DPF3: variants seen among roughly 807,000 people sequenced by gnomAD.
DPF3 encodes the protein double PHD fingers 3, also known as zinc finger protein DPF3.
Under a neutral mutation model 56.8 loss-of-function variants are expected in DPF3, and 18 were observed. The ratio of observed to expected loss-of-function variants is 0.32; its 90% confidence interval spans 0.22 to 0.47. The LOEUF is 0.47. Ranked by LOEUF, DPF3 falls within the 20% of genes least tolerant of loss-of-function variation. The probability of loss-of-function intolerance (pLI) is 1.00; values close to 1 mark genes in which losing one functional copy is unlikely to be tolerated. For synonymous variants in DPF3, 188 were observed against 180.2 expected (o/e 1.04, Z -0.35); for missense variants, 403 against 488.8 (o/e 0.82, Z 1.65).
intron 1 of DPF3, among the ~76,000 whole-genome samples, chr14:72,843,034 TAAATA>T (rs1402053619): frequency 6.6e-6 from 1 of 151,574 alleles, no homozygotes; most frequent in Non-Finnish European, 1.5e-5. Context: ...AAAAAATAAA[TAAATA>T]AATAAACATG....
Position 72,693,168 on chromosome 14 carries a change from T to C in DPF3, c.650A>G (p.Tyr217Cys), listed in dbSNP as rs1228165441. 5.0e-6 allele frequency: 8 copies of C among 1,613,850 alleles called. No homozygotes were observed. Among genetic ancestry groups the C allele is most frequent in the African/African-American group, 2.7e-5 (2 of 74,912 alleles). Residue 217 changes from tyrosine (Y) to cysteine (C), a missense_variant, in exon 7 of 11, where the codon TAT becomes TGT. Transcript: ENST00000556509. ...YKNRPGLSYHYAHTHLASEEG... is the reference protein window; with the variant it reads ...YKNRPGLSYHCAHTHLASEEG... ...CTCGCTGGCCAGGTGAGTGTGAGCA[T>C]AGTGGTAGCTGAGCCCCGGTCGGTT...
intron 5 of DPF3, among the ~76,000 whole-genome samples, chr14:72,720,061 C>T (rs1432447828): frequency 6.6e-6 from 1 of 151,844 alleles, no homozygotes; most frequent in Non-Finnish European, 1.5e-5. Context: ...TCCTAATGAG[C>T]TCCCAGATGA....
intron 1 of DPF3, among the ~76,000 whole-genome samples, chr14:72,866,218 C>T (rs905015517): frequency 7.2e-5 from 11 of 152,074 alleles, no homozygotes; most frequent in East Asian, 3.9e-4. Flanking sequence ...CCACCACCAC[C>T]TCTTCCACAG....
At chr14:72,841,349 T>G (rs1884535359) in intron 1 of DPF3, among the ~76,000 whole-genome samples, 1 of 152,108 alleles carries the variant, frequency 6.6e-6, no homozygotes, top group South Asian at 2.1e-4. Context: ...CAGGGGAGCT[T>G]TGGAGTGTCT....
intron 8 of DPF3, among the ~76,000 whole-genome samples, chr14:72,665,213 G>T (rs917062890): frequency 2.0e-5 from 3 of 152,070 alleles, no homozygotes; most frequent in Admixed American, 6.5e-5. Flanking sequence ...TTAACTATTT[G>T]TGAATTTCTA....
chr14:72,798,940 G>T (rs1230944958), intron 1 of DPF3, among the ~76,000 whole-genome samples: 1 of 152,242 alleles, frequency 6.6e-6, no homozygotes, highest in South Asian at 2.1e-4. Context: ...GGAAGTCACA[G>T]TTCTGGAGTA....
intron 7 of DPF3, among the ~76,000 whole-genome samples, chr14:72,681,587 T>C (rs1191878866): frequency 6.6e-6 from 1 of 152,236 alleles, no homozygotes; most frequent in Admixed American, 6.5e-5. Context: ...ACCCTTCCTA[T>C]GCCTGCCTTC....
At chr14:72,788,225 C>G (rs955768522) in intron 1 of DPF3, among the ~76,000 whole-genome samples, 1 of 152,146 alleles carries the variant, frequency 6.6e-6, no homozygotes, top group Non-Finnish European at 1.5e-5. Flanking sequence ...AGCTGCATCT[C>G]GACCACCAAT....
intron 1 of DPF3, among the ~76,000 whole-genome samples, chr14:72,866,937 T>G (rs1885697633): frequency 6.7e-6 from 1 of 149,582 alleles, no homozygotes; most frequent in South Asian, 2.1e-4. Context: ...CTGGTACTCA[T>G]TTTCTAAGGG....
intron 1 of DPF3, among the ~76,000 whole-genome samples, chr14:72,856,898 G>T (rs1370238613): frequency 6.6e-6 from 1 of 152,200 alleles, no homozygotes; most frequent in East Asian, 1.9e-4. Context: ...TATGAAATGT[G>T]GGGCGAGGAC....
chr14:72,886,427 G>T (rs1419940869), intron 1 of DPF3, among the ~76,000 whole-genome samples: 1 of 152,168 alleles, frequency 6.6e-6, no homozygotes, highest in Non-Finnish European at 1.5e-5. Flanking sequence ...GTTGCACAAG[G>T]TGGGAGGATC....
chr14:72,694,434 T>C (rs759029432), intron 6 of DPF3, among the ~76,000 whole-genome samples: 2 of 152,316 alleles, frequency 1.3e-5, no homozygotes, highest in African/African-American at 2.4e-5. Flanking sequence ...AGCACAACTT[T>C]AGCATCAGGC....
At chr14:72,859,621 C>T (rs1036336019) in intron 1 of DPF3, among the ~76,000 whole-genome samples, 4 of 152,108 alleles carry the variant, frequency 2.6e-5, no homozygotes, top group East Asian at 1.9e-4. Flanking sequence ...CACACACCTC[C>T]GCTCAAAGTC....
At chr14:72,691,334 G>A (rs1887671190) in intron 7 of DPF3, among the ~76,000 whole-genome samples, 1 of 152,196 alleles carries the variant, frequency 6.6e-6, no homozygotes, top group South Asian at 2.1e-4. Context: ...ACTGTGACTT[G>A]GTTTGGAAGT....
At position 72,847,244 on chromosome 14, in the gene DPF3, T is replaced by C. The variant is rs190670567; in HGVS notation, c.32+46813A>G. ...CCGCGTCCTAAGAGCTTCACGTGTG[T>C]GGTCATTCAATCCTCAAACCAATCC... is the stretch of plus-strand genomic sequence containing the variant. On this transcript the variant is annotated intron_variant, in intron 1 of 10. Coordinates refer to ENST00000556509, the MANE Select transcript of DPF3 (RefSeq NM_001280542.3). Among the ~76,000 whole-genome samples, 216 of 152,322 alleles carry C rather than the reference T, an allele frequency of 1.4e-3. 1 individual carries two copies. The highest frequency in any genetic ancestry group is 0.01 in the Middle Eastern group (3 of 294).
At chr14:72,743,318 G>A (rs1221738933) in intron 3 of DPF3, among the ~76,000 whole-genome samples, 1 of 152,090 alleles carries the variant, frequency 6.6e-6, no homozygotes, top group Non-Finnish European at 1.5e-5. Flanking sequence ...CAGGATAAGT[G>A]AGTGTGTCGG....
intron 2 of DPF3, among the ~76,000 whole-genome samples, chr14:72,756,947 AAGG>A (rs1369637272): frequency 2.8e-4 from 41 of 144,446 alleles, no homozygotes; most frequent in Admixed American, 5.5e-4. Context: ...AGAGAAGAGA[AAGG>A]GAGAGGGAAA....
intron 8 of DPF3, among the ~76,000 whole-genome samples, chr14:72,638,045 C>T (rs1477837763): frequency 6.6e-6 from 1 of 152,270 alleles, no homozygotes; most frequent in South Asian, 2.1e-4. Context: ...AGACAGAGGC[C>T]TTGGGTAAGG....
At chr14:72,741,535 G>C (rs929251920) in intron 3 of DPF3, among the ~76,000 whole-genome samples, 1 of 152,246 alleles carries the variant, frequency 6.6e-6, no homozygotes, top group Non-Finnish European at 1.5e-5. Context: ...AACCACAAGG[G>C]AAGCCAAGCT....
Sources: gnomAD v4.1 joint callset for allele counts (sites outside exome capture counted in the v4.1 genomes callset) on GRCh38, gnomAD v4.1.1 for gene constraint, MANE v1.5 for transcripts, NCBI Gene and HGNC (gene_info 2026-07-23, HGNC 2026-07-21) for gene names.